TASOR: variants seen among roughly 807,000 people sequenced by gnomAD.
The protein encoded by TASOR is protein TASOR.
TASOR carries 53 observed loss-of-function variants against 178.6 expected under a neutral mutation model. The ratio of observed to expected loss-of-function variants is 0.30; its 90% CI spans 0.24 to 0.37. TASOR has a LOEUF of 0.37. Ranked by LOEUF, TASOR falls within the 10% of genes least tolerant of loss-of-function variation. The pLI is 1.00. For synonymous variants in TASOR, 713 were observed against 696.2 expected (o/e 1.02, Z -0.38); for missense variants, 1,815 against 1,971.4 (o/e 0.92, Z 1.50).
At chr3:56,679,077 A>G (rs982804617) in intron 1 of TASOR, among the ~76,000 whole-genome samples, 16 of 152,140 alleles carry the variant, frequency 1.1e-4, no homozygotes, top group Non-Finnish European at 5.9e-5. Context: ...TCTGATTTAA[A>G]GTAACTAATA....
rs940460164 is a variant in TASOR, at chr3:56,655,869, T to C, written c.1368+4862A>G. Among the ~76,000 whole-genome samples, 3 of 152,184 alleles carry C rather than the reference T, an allele frequency of 2.0e-5. No homozygotes were observed. In the South Asian group the frequency reaches 6.2e-4, roughly 32 times the overall value. ...AATGTGGTCTCTCTCTCTCTCAAAA[T>C]CTTATTGTAATGTACTCACCCTTCT... On this transcript the variant is annotated intron_variant, in intron 11 of 23. Transcript: ENST00000683822.
In TASOR at chr3:56,622,335, A is replaced by AAACT. The variant is rs1441541595; in HGVS notation, c.*698_*701dup. 17 of 152,180 alleles carry AAACT rather than the reference A, an allele frequency of 1.1e-4. No individual in the cohort carries two copies. Among genetic ancestry groups the AAACT allele is most frequent in the African/African-American group, 3.9e-4 (16 of 41,450 alleles). 9.4% of individuals were successfully genotyped at this position (152,180 alleles called of 1,614,324 possible). A position where few individuals can be genotyped will look rare whatever the true frequency, so the allele number is the denominator to read the frequency against. ...TTCCCATTATACTTCCATTTTGCTA[A>AAACT]AACTAATTTAAAAATCAAATTGTTC... On this transcript the variant is annotated 3_prime_UTR_variant, in exon 24 of 24. Coordinates refer to ENST00000683822, the MANE Select transcript of TASOR (RefSeq NM_001365635.2).
Position 56,683,033 on chromosome 3 carries a change from G to C in TASOR, c.-27C>G. 6.7e-7 allele frequency: 1 copy of C among 1,499,620 alleles called. No individual in the cohort carries two copies. Among genetic ancestry groups the C allele is most frequent in the Non-Finnish European group, 8.9e-7 (1 of 1,122,656 alleles). 92.9% of individuals were successfully genotyped at this position (1,499,620 alleles called of 1,614,324 possible). The stretch of plus-strand genomic sequence containing the variant: ...GCGCCGGCCTAAGGAGCTCTGGGAA[G>C]CTTCTGCCCACAAGGTCGACGGGTG... On this transcript the variant is annotated 5_prime_UTR_variant, in exon 1 of 24. Transcript: ENST00000683822.
chr3:56,628,464 A>C (rs2076842585), intron 19 of TASOR, 28 bp downstream of exon 19: 14 of 1,584,144 alleles, frequency 8.8e-6, no homozygotes, highest in Non-Finnish European at 1.2e-5. Flanking sequence ...TTTAAAACCA[A>C]AGTAGTGAAT....
chr3:56,675,988 A>C (rs2031261185), intron 1 of TASOR, among the ~76,000 whole-genome samples: 1 of 152,224 alleles, frequency 6.6e-6, no homozygotes, highest in South Asian at 2.1e-4. Flanking sequence ...GTGCACGAAA[A>C]AAATAGTCAA....
chr3:56,665,948 G>T (rs1291858089), intron 7 of TASOR, among the ~76,000 whole-genome samples: 4 of 152,138 alleles, frequency 2.6e-5, no homozygotes, highest in African/African-American at 7.2e-5. Flanking sequence ...CAGCCTGGGG[G>T]ACAGAGAGAG....
intron 18 of TASOR, among the ~76,000 whole-genome samples, chr3:56,632,225 C>A (rs762206480): frequency 6.6e-6 from 1 of 152,066 alleles, no homozygotes; most frequent in Non-Finnish European, 1.5e-5. Context: ...GTAATCTCAG[C>A]ACTTTGGGAG....
intron 8 of TASOR, among the ~76,000 whole-genome samples, chr3:56,662,841 A>G (rs1482716963): frequency 3.9e-5 from 6 of 152,194 alleles, no homozygotes; most frequent in Non-Finnish European, 8.8e-5. Context: ...ATGAATGCCT[A>G]CAGTGTCCTG....
chr3:56,638,632 T>G (rs1168260466), intron 17 of TASOR, 74 bp downstream of exon 17: 1 of 1,482,572 alleles, frequency 6.7e-7, no homozygotes, highest in East Asian at 2.3e-5. Flanking sequence ...GCCCTATTGA[T>G]GGAGTATCAG....
Position 56,621,509 on chromosome 3 carries a change from A to AACAT in TASOR, c.*1524_*1527dup. Reference sequence around the variant, plus strand: ...GTCAGGTGTGCACATTTTACTAACAAACATATATCAATGTGATTTCAGGGC... The same window carrying AACAT: ...GTCAGGTGTGCACATTTTACTAACAAACATACATATATCAATGTGATTTCAGGGC... On this transcript the variant is annotated 3_prime_UTR_variant, in exon 24 of 24. Coordinates refer to ENST00000683822, the MANE Select transcript of TASOR (RefSeq NM_001365635.2). The AACAT allele has an allele frequency of 8.0e-6, 12 of 1,495,446 alleles. No individual in the cohort carries two copies. The highest frequency in any genetic ancestry group is 1.1e-5 in the Non-Finnish European group (12 of 1,095,572). 92.6% of individuals were successfully genotyped at this position (1,495,446 alleles called of 1,614,324 possible). A position where few individuals can be genotyped will look rare whatever the true frequency, so the allele number is the denominator to read the frequency against.
rs750448898 is a variant in TASOR at position 56,641,413 on chromosome 3, G to A, written c.2555C>T (p.Ser852Phe). ...QSLLLEVDAT[S>F]KYSVAISTSE... ...GGTAGAAATAGCAACAGAATACTTA[G>A]ATGTTGCATCAACTTCTAGTAATAA... Residue 852 changes from serine (S) to phenylalanine (F), a missense_variant, in exon 15 of 24, where the codon TCT becomes TTT. Physicochemically the swap from Ser to Phe is radical, Grantham distance 155. Transcript: ENST00000683822. The A allele has an allele frequency of 6.2e-7, 1 of 1,603,186 alleles. No individual in the cohort carries two copies. The highest frequency in any genetic ancestry group is 8.5e-7 in the Non-Finnish European group (1 of 1,170,544).
At chr3:56,628,388 T>TTTAAA (rs1559814647) in intron 19 of TASOR, 104 bp downstream of exon 19, 10 of 1,088,726 alleles carry the variant, frequency 9.2e-6, no homozygotes, top group Non-Finnish European at 1.3e-5. Flanking sequence ...TTAAGTTTAA[T>TTTAAA]CTCCTTTAAA....
chr3:56,651,791 G>T (rs1356535289), intron 11 of TASOR, among the ~76,000 whole-genome samples: 1 of 151,428 alleles, frequency 6.6e-6, no homozygotes, highest in Non-Finnish European at 1.5e-5. Context: ...ATCAAAAATT[G>T]GAATTATCAG....
At chr3:56,628,072 A>T (rs542755018) in intron 19 of TASOR, among the ~76,000 whole-genome samples, 38 of 152,324 alleles carry the variant, frequency 2.5e-4, no homozygotes, top group Admixed American at 5.2e-4. Context: ...TCGAACAGTC[A>T]ATCAGGAAAG....
intron 21 of TASOR, among the ~76,000 whole-genome samples, chr3:56,625,541 G>A (rs1177993762): frequency 1.3e-5 from 2 of 152,298 alleles, no homozygotes; most frequent in East Asian, 1.9e-4. Context: ...GAACTACTTG[G>A]GAGGCTGAGG....
rs1432907564 is a variant in TASOR at position 56,621,833 on chromosome 3, A to C, written c.*1204T>G. On this transcript the variant is annotated 3_prime_UTR_variant, in exon 24 of 24. Coordinates refer to ENST00000683822, the MANE Select transcript of TASOR (RefSeq NM_001365635.2). ...AGCTTAGTAGTAAAAAAAAAAAAAA[A>C]AAAACCGGTTCTTCTGCTCTGTCAC... 7.2e-6 allele frequency: 2 copies of C among 276,410 alleles called. No homozygotes were observed. The highest frequency in any genetic ancestry group is 1.3e-5 in the Non-Finnish European group (2 of 149,674). 17.1% of individuals were successfully genotyped at this position (276,410 alleles called of 1,614,324 possible). A position where few individuals can be genotyped will look rare whatever the true frequency, so the allele number is the denominator to read the frequency against.
chr3:56,620,749 A>AAG lies in TASOR; in HGVS notation c.*2286_*2287dup, dbSNP rs1250820430. 2.0e-5 allele frequency: 3 copies of AAG among 152,228 alleles called. No homozygotes were observed. Among genetic ancestry groups the AAG allele is most frequent in the Non-Finnish European group, 2.9e-5 (2 of 68,076 alleles). 9.4% of individuals were successfully genotyped at this position (152,228 alleles called of 1,614,324 possible). ...TAGTGGAGACAAAAATTGTGAGATA[A>AAG]AGAGGAAGGAATAGGATGTACACAT... On this transcript the variant is annotated 3_prime_UTR_variant, in exon 24 of 24. Transcript: ENST00000683822.
intron 17 of TASOR, among the ~76,000 whole-genome samples, chr3:56,634,782 C>G (rs2076984664): frequency 6.6e-6 from 1 of 152,154 alleles, no homozygotes; most frequent in Non-Finnish European, 1.5e-5. Context: ...TCCAAAAGAT[C>G]ATACTTTCCC....
chr3:56,657,326 C>T (rs1353987456), intron 11 of TASOR, among the ~76,000 whole-genome samples: 5 of 130,250 alleles, frequency 3.8e-5, no homozygotes, highest in East Asian at 4.4e-4. Context: ...GGCTCTGTCT[C>T]GAAAAAAAAA....
Sources: gnomAD v4.1 joint callset for allele counts (sites outside exome capture counted in the v4.1 genomes callset) on GRCh38, gnomAD v4.1.1 for gene constraint, MANE v1.5 for transcripts, NCBI Gene and HGNC (gene_info 2026-07-23, HGNC 2026-07-21) for gene names.